Variants in TMCO4 observed in about 807,000 individuals in gnomAD.
The protein encoded by TMCO4 is transmembrane and coiled-coil domains 4.
A neutral mutation model predicts 64.7 loss-of-function variants in TMCO4; 58 were observed. The observed-to-expected ratio is 0.90, with a 90% CI of 0.73 to 1.12. The LOEUF (loss-of-function observed/expected upper bound fraction) is 1.12, where lower values mean the gene tolerates loss of function less well. TMCO4 is among the 50% of genes most tolerant of loss of function. TMCO4 has a pLI of 0.00. For missense variants in TMCO4, 780 were observed against 825.9 expected, an observed-to-expected ratio of 0.94 and a Z score of 0.68; for synonymous variants, 325 against 346.1, an observed-to-expected ratio of 0.94 and a Z score of 0.68.
chr1:19,694,659 T>G, intron 14 of TMCO4, 108 bp from the exon 15 acceptor site: 1 of 1,004,132 alleles, frequency 1.0e-6, no homozygotes, highest in South Asian at 1.5e-5. Flanking sequence ...ATGGAGCTTC[T>G]GGGGGAAAAC....
chr1:19,799,283 T>A (rs1480324441), intron 1 of TMCO4: 1 of 152,292 alleles, frequency 6.6e-6, no homozygotes, highest in African/African-American at 2.4e-5. Context: ...GGCCTCCTTG[T>A]AACATGAGGA....
intron 15 of TMCO4, among the ~76,000 whole-genome samples, chr1:19,688,515 A>G (rs2095167570): frequency 6.6e-6 from 1 of 152,178 alleles, no homozygotes; most frequent in Admixed American, 6.5e-5. Context: ...AAATGAGGCT[A>G]ATAAAGAGAC....
chr1:19,791,538 G>A (rs2044039133), intron 2 of TMCO4, among the ~76,000 whole-genome samples: 1 of 152,206 alleles, frequency 6.6e-6, no homozygotes, highest in Admixed American at 6.5e-5. Context: ...CACCTGCTGT[G>A]TATACTGGTT....
intron 4 of TMCO4, among the ~76,000 whole-genome samples, chr1:19,774,120 A>T (rs1307561840): frequency 6.6e-6 from 1 of 152,220 alleles, no homozygotes; most frequent in Non-Finnish European, 1.5e-5. Flanking sequence ...CCCCACTGCA[A>T]TTTACTGGGA....
chr1:19,748,500 G>A (rs909390928), intron 7 of TMCO4, among the ~76,000 whole-genome samples: 1 of 152,082 alleles, frequency 6.6e-6, no homozygotes, highest in African/African-American at 2.4e-5. Context: ...ACATTTTATT[G>A]AGAAATAGCT....
At chr1:19,742,105 C>A (rs543160787) in intron 10 of TMCO4, among the ~76,000 whole-genome samples, 1 of 152,150 alleles carries the variant, frequency 6.6e-6, no homozygotes, top group Non-Finnish European at 1.5e-5. Context: ...GCTCCCAGAT[C>A]GTACATCAGT....
intron 7 of TMCO4, among the ~76,000 whole-genome samples, chr1:19,753,802 TGA>T (rs2042124718): frequency 6.6e-6 from 1 of 152,190 alleles, no homozygotes; most frequent in South Asian, 2.1e-4. Context: ...CCACAGAATC[TGA>T]GAGTCCCTAA....
At chr1:19,701,888 A>AC (rs1346368049) in intron 13 of TMCO4, among the ~76,000 whole-genome samples, 2 of 152,264 alleles carry the variant, frequency 1.3e-5, no homozygotes, top group South Asian at 2.1e-4. Context: ...TAATCTCAGC[A>AC]TTTTGGGAAG....
intron 2 of TMCO4, among the ~76,000 whole-genome samples, chr1:19,789,635 C>T (rs758018133): frequency 2.0e-4 from 30 of 152,270 alleles, no homozygotes; most frequent in Admixed American, 5.2e-4. Context: ...ACTAATTCTG[C>T]CTCTTGATCC....
Position 19,720,005 on chromosome 1 carries a change from ATT to A in TMCO4, c.1264+17365_1264+17366del, listed in dbSNP as rs56755114. Among the ~76,000 whole-genome samples the A allele has an allele frequency of 5.1e-5, 6 of 116,944 alleles. No homozygotes were observed. The South Asian group carries it at 9.1e-4, about 18-fold the overall frequency. The allele number at this position is 116,944 out of a possible 152,430, so 76.7% of individuals were successfully genotyped here. ...AGATTCCTTCTCAAAAAGGAAAATA[ATT>A]TTTTTTTTTTTTTTTTTTGTAGAGA... On this transcript the variant is annotated intron_variant, in intron 13 of 15. Transcript: ENST00000294543.
At chr1:19,761,292 C>T (rs1364624878) in intron 6 of TMCO4, among the ~76,000 whole-genome samples, 1 of 152,222 alleles carries the variant, frequency 6.6e-6, no homozygotes, top group African/African-American at 2.4e-5. Flanking sequence ...ACACACCTCT[C>T]CCCGAAGCCC....
intron 6 of TMCO4, among the ~76,000 whole-genome samples, chr1:19,764,522 G>C (rs1467958636): frequency 3.0e-4 from 46 of 152,216 alleles, no homozygotes; most frequent in Non-Finnish European, 1.5e-5. Context: ...TTGCGGAATA[G>C]ATGGACCAGG....
intron 15 of TMCO4, among the ~76,000 whole-genome samples, chr1:19,683,681 C>G (rs12027911): frequency 1.3e-5 from 2 of 150,096 alleles, no homozygotes; most frequent in African/African-American, 4.9e-5. Flanking sequence ...TCTAAAAAAT[C>G]TGGATCCTTT....
In TMCO4 at chr1:19,700,839, C is replaced by T. The variant is rs1191566261; in HGVS notation, c.1311G>A (p.Val437=). 1 of 1,614,144 alleles carries T rather than the reference C, an allele frequency of 6.2e-7. No individual in the cohort carries two copies. The highest frequency in any genetic ancestry group is 8.5e-7 in the Non-Finnish European group (1 of 1,180,052). The change falls in exon 14 of 16, where the codon GTG becomes GTA. Residue 437 remains valine, a synonymous_variant. Transcript: ENST00000294543. ...GCTCCCAATGCTTGGCTTCTCCCTC[C>T]ACAGGCGCACCCAGCAGGATGACGT... ...IEDVILLGAP[V]EGEAKHWEPF...
chr1:19,766,441 C>T (rs2042739613), intron 6 of TMCO4, among the ~76,000 whole-genome samples: 1 of 152,152 alleles, frequency 6.6e-6, no homozygotes, highest in South Asian at 2.1e-4. Context: ...CTTATTTGTA[C>T]TTGAAATTGG....
Position 19,700,954 on chromosome 1 carries a change from A to G in TMCO4, c.1265-69T>C, listed in dbSNP as rs2095268220. The G allele has an allele frequency of 5.7e-6, 7 of 1,228,776 alleles. No individual in the cohort carries two copies. In the East Asian group the frequency reaches 1.6e-4, roughly 29 times the overall value. The allele number at this position is 1,228,776 out of a possible 1,614,324, so 76.1% of individuals were successfully genotyped here. A position where few individuals can be genotyped will look rare whatever the true frequency, so the allele number is the denominator to read the frequency against. On this transcript the variant is annotated intron_variant, in intron 13 of 15. Coordinates refer to ENST00000294543, the MANE Select transcript of TMCO4 (RefSeq NM_181719.7). ...ATTGGGTGCTGGGAGGGACTCCAAC[A>G]GCAGTGGAGGAGATGAATGTCACAC...
intron 6 of TMCO4, among the ~76,000 whole-genome samples, chr1:19,765,795 G>A (rs1342549554): frequency 6.6e-6 from 1 of 151,952 alleles, no homozygotes; most frequent in East Asian, 1.9e-4. Context: ...CTCAGTAAAG[G>A]TCAACCTTCC....
chr1:19,795,786 T>C lies in TMCO4; in HGVS notation c.-101+2351A>G, dbSNP rs147550138. 9.4e-3 allele frequency among the ~76,000 whole-genome samples: 1,432 copies of C among 152,348 alleles called. 21 individuals are homozygous for C. Among genetic ancestry groups the C allele is most frequent in the African/African-American group, 0.032 (1,351 of 41,576 alleles). On this transcript the variant is annotated intron_variant, in intron 2 of 15. Transcript: ENST00000294543. ...TACCTCTCTGGTGTGGTTTACACCC[T>C]GGCCAAAGATTTCCAACACAATTTG...
chr1:19,777,550 T>C (rs570568020), intron 4 of TMCO4, among the ~76,000 whole-genome samples: 1 of 152,320 alleles, frequency 6.6e-6, no homozygotes, highest in East Asian at 1.9e-4. Context: ...GGTTCTGCCA[T>C]GTTGGCCAGG....
Sources: gnomAD v4.1 joint callset for allele counts (sites outside exome capture counted in the v4.1 genomes callset) on GRCh38, gnomAD v4.1.1 for gene constraint, MANE v1.5 for transcripts, NCBI Gene and HGNC (gene_info 2026-07-23, HGNC 2026-07-21) for gene names.